Variants in DCAF10 observed in about 807,000 individuals in gnomAD.
DCAF10 encodes the protein DDB1 and CUL4 associated factor 10, also known as DDB1- and CUL4-associated factor 10.
Under a neutral mutation model 51.9 loss-of-function variants are expected in DCAF10, and 19 were observed. The observed-to-expected ratio is 0.37, with a 90% CI of 0.26 to 0.54. DCAF10 has a LOEUF of 0.54. Among genes scored for constraint, DCAF10 ranks in the 20% least tolerant of loss-of-function variants. The probability of loss-of-function intolerance (pLI) is 0.87; values close to 1 mark genes in which losing one functional copy is unlikely to be tolerated. For synonymous variants in DCAF10, 291 were observed against 297.1 expected (o/e 0.98, Z 0.21); for missense variants, 510 against 730.6 (o/e 0.70, Z 3.48).
intron 5 of DCAF10, among the ~76,000 whole-genome samples, chr9:37,859,382 CTAT>C (rs1372841966): frequency 6.6e-6 from 1 of 152,134 alleles, no homozygotes; most frequent in African/African-American, 2.4e-5. Context: ...TAACATATTC[CTAT>C]TATTAACAGT....
chr9:37,826,581 G>T (rs78871628), intron 2 of DCAF10, among the ~76,000 whole-genome samples: 2 of 152,230 alleles, frequency 1.3e-5, no homozygotes, highest in East Asian at 3.9e-4. Flanking sequence ...GTGTATGTAC[G>T]TGGGAGAGCA....
chr9:37,800,649 T>G (rs1008411887), upstream of DCAF10: 3 of 1,535,874 alleles, frequency 2.0e-6, no homozygotes, highest in Admixed American at 2.0e-5. Context: ...CTCACACAGG[T>G]AACTACTCGC....
intron 1 of DCAF10, among the ~76,000 whole-genome samples, chr9:37,813,896 T>C (rs1829427342): frequency 6.6e-6 from 1 of 151,604 alleles, no homozygotes; most frequent in African/African-American, 2.4e-5. Flanking sequence ...TGAAGCCATG[T>C]ATAGAGGAAA....
chr9:37,846,136 C>T (rs920867368), intron 3 of DCAF10, among the ~76,000 whole-genome samples: 3 of 152,004 alleles, frequency 2.0e-5, no homozygotes, highest in African/African-American at 7.2e-5. Context: ...TTGAACCCTA[C>T]ATTATAGTAA....
chr9:37,807,684 CAG>C (rs369326011), intron 1 of DCAF10, among the ~76,000 whole-genome samples: 50 of 85,412 alleles, frequency 5.9e-4, no homozygotes, highest in African/African-American at 2.1e-3. Flanking sequence ...TTTTTTGAGA[CAG>C]AGTTTCACTC....
At chr9:37,859,955 A>G in intron 5 of DCAF10, 93 bp from the exon 6 acceptor site, 3 of 1,451,608 alleles carry the variant, frequency 2.1e-6, no homozygotes, top group Non-Finnish European at 1.9e-6. Flanking sequence ...GAATGACGGC[A>G]TGGGAGGTGG....
At chr9:37,847,603 C>A (rs1349440786) in intron 3 of DCAF10, among the ~76,000 whole-genome samples, 1 of 152,120 alleles carries the variant, frequency 6.6e-6, no homozygotes, top group South Asian at 2.1e-4. Context: ...AGATGGGAAG[C>A]AAGGCTCTCA....
Position 37,819,388 on chromosome 9 carries a change from G to A in DCAF10, c.640G>A (p.Val214Ile), listed in dbSNP as rs1320373138. 6.2e-7 allele frequency: 1 copy of A among 1,612,724 alleles called. No individual in the cohort carries two copies. Among genetic ancestry groups the A allele is most frequent in the Admixed American group, 1.7e-5 (1 of 59,930 alleles). ...ACTTTCTGAAGCTCATGAAGACTGT[G>A]TAAATAATATCAGGTTAGTATTATA... ...KTLSEAHEDC[V>I]NNIRFLDNRL... The change falls in exon 2 of 7, where the codon GTA becomes ATA. Residue 214 changes from valine (V) to isoleucine (I), a missense_variant. Transcript: ENST00000377724.
chr9:37,849,804 T>C (rs2118101750), intron 3 of DCAF10, among the ~76,000 whole-genome samples: 1 of 152,116 alleles, frequency 6.6e-6, no homozygotes, highest in East Asian at 1.9e-4. Flanking sequence ...CGCTTGAACC[T>C]GGGAGGCGGA....
At chr9:37,830,101 T>C (rs1284383560) in intron 2 of DCAF10, among the ~76,000 whole-genome samples, 2 of 151,838 alleles carry the variant, frequency 1.3e-5, no homozygotes, top group African/African-American at 2.4e-5. Context: ...TAGAGAGAAG[T>C]TGGAAACGAA....
Position 37,858,668 on chromosome 9 carries a change from G to A in DCAF10, c.1165+1317G>A, listed in dbSNP as rs1830923385. 5 of 152,250 alleles carry A rather than the reference G, an allele frequency of 3.3e-5. No individual in the cohort carries two copies. In the South Asian group the frequency reaches 1.0e-3, roughly 32 times the overall value. 9.4% of individuals were successfully genotyped at this position (152,250 alleles called of 1,614,324 possible). On this transcript the variant is annotated intron_variant, in intron 5 of 6. Transcript: ENST00000377724. ...ACATGGGAGAAGGTGGGGCTTATAG[G>A]TGAAGTTGCTCTAAATGTTGGAAAT...
At chr9:37,827,694 T>G (rs533577516) in intron 2 of DCAF10, among the ~76,000 whole-genome samples, 27 of 152,264 alleles carry the variant, frequency 1.8e-4, no homozygotes, top group African/African-American at 5.8e-4. Flanking sequence ...AGCTTCTGTT[T>G]TGACAAGTAT....
intron 3 of DCAF10, among the ~76,000 whole-genome samples, chr9:37,842,641 TC>T (rs1830365911): frequency 6.6e-6 from 1 of 152,244 alleles, no homozygotes; most frequent in African/African-American, 2.4e-5. Context: ...CAATTTTTGT[TC>T]TTTGTTTTCA....
At chr9:37,814,965 C>T (rs1021771593) in intron 1 of DCAF10, among the ~76,000 whole-genome samples, 1 of 151,778 alleles carries the variant, frequency 6.6e-6, no homozygotes, top group East Asian at 1.9e-4. Flanking sequence ...AAATCATAAA[C>T]AAAATATTAG....
chr9:37,856,953 G>T (rs370785421), intron 4 of DCAF10, among the ~76,000 whole-genome samples: 2 of 152,112 alleles, frequency 1.3e-5, no homozygotes, highest in East Asian at 3.9e-4. Flanking sequence ...TGGAATTTTT[G>T]GGTTCCATTT....
At chr9:37,815,903 C>T (rs1829513777) in intron 1 of DCAF10, among the ~76,000 whole-genome samples, 1 of 152,130 alleles carries the variant, frequency 6.6e-6, no homozygotes, top group African/African-American at 2.4e-5. Flanking sequence ...AGCTGATCCT[C>T]CCACCTCAGC....
chr9:37,857,456 A>G (rs1211911724), intron 5 of DCAF10, 105 bp downstream of exon 5: 1 of 814,698 alleles, frequency 1.2e-6, no homozygotes, highest in African/African-American at 1.8e-5. Context: ...CCATAAAAAT[A>G]AAAGCAATGG....
At chr9:37,842,732 G>T (rs928255093) in intron 3 of DCAF10, among the ~76,000 whole-genome samples, 12 of 152,132 alleles carry the variant, frequency 7.9e-5, no homozygotes, top group Non-Finnish European at 1.5e-4. Flanking sequence ...GGGCAATTTT[G>T]GTTGTCACTA....
intron 1 of DCAF10, among the ~76,000 whole-genome samples, chr9:37,817,182 T>TA (rs955365905): frequency 6.6e-6 from 1 of 152,180 alleles, no homozygotes; most frequent in Non-Finnish European, 1.5e-5. Flanking sequence ...ATGTATCTTT[T>TA]AAAAAAATAT....
Sources: gnomAD v4.1 joint callset for allele counts (sites outside exome capture counted in the v4.1 genomes callset) on GRCh38, gnomAD v4.1.1 for gene constraint, MANE v1.5 for transcripts, NCBI Gene and HGNC (gene_info 2026-07-23, HGNC 2026-07-21) for gene names.